CD81: variants seen among roughly 807,000 people sequenced by gnomAD.
CD81 encodes CD81 antigen.
A neutral mutation model predicts 30.1 loss-of-function variants in CD81; 10 were observed. The ratio of observed to expected loss-of-function variants is 0.33; its 90% confidence interval spans 0.21 to 0.56. The LOEUF is 0.56. CD81 is among the 20% of genes least tolerant of loss of function. The pLI is 0.89. For synonymous variants in CD81, 147 were observed against 126.4 expected, an observed-to-expected ratio of 1.16 and a Z score of -1.10; for missense variants, 263 against 308.7, an observed-to-expected ratio of 0.85 and a Z score of 1.11.
upstream of CD81, among the ~76,000 whole-genome samples, chr11:2,376,564 C>T (rs1849595038): frequency 6.6e-6 from 1 of 152,210 alleles, no homozygotes; most frequent in Non-Finnish European, 1.5e-5. Context: ...CGGTGTGAGG[C>T]TGGCATCCCT....
rs1016463564 is a variant in CD81, at chr11:2,386,652, C to T, written c.67-3760C>T. ...GACCAAGGCTCAGGTGAGGCCTCTG[C>T]CCAGTGCCTGGCACTCCTTCTTGCC... is the stretch of plus-strand genomic sequence containing the variant. On this transcript the variant is annotated intron_variant, in intron 1 of 7. Coordinates refer to ENST00000263645, the MANE Select transcript of CD81 (RefSeq NM_004356.4). The T allele has an allele frequency of 1.3e-5, 9 of 716,234 alleles. No homozygotes were observed. The Admixed American group carries it at 1.8e-4, about 14-fold the overall frequency. 44.4% of individuals were successfully genotyped at this position (716,234 alleles called of 1,614,324 possible). A position where few individuals can be genotyped will look rare whatever the true frequency, so the allele number is the denominator to read the frequency against.
chr11:2,396,374 A>G (rs1850003594), intron 6 of CD81: 3 of 598,246 alleles, frequency 5.0e-6, no homozygotes, highest in Non-Finnish European at 9.0e-6. Flanking sequence ...AGTGACACCA[A>G]TGACCGTGAT....
chr11:2,395,962 C>A lies in CD81; in HGVS notation c.553C>A (p.Leu185Ile). Residue 185 changes from leucine (L) to isoleucine (I), a missense_variant, in exon 6 of 8, where the codon CTC becomes ATC. Leu to Ile is a conservative substitution (Grantham distance 5). Transcript: ENST00000263645. ...CPSGSNIISN[L>I]FKEDCHQKID... ...CTCGGGCAGCAACATCATCAGCAAC[C>A]TCTTCAAGGTGCGCGAGGCCGGTGG... The A allele has an allele frequency of 6.2e-7, 1 of 1,609,026 alleles. No homozygotes were observed. Among genetic ancestry groups the A allele is most frequent in the Non-Finnish European group, 8.5e-7 (1 of 1,176,792 alleles).
In CD81 at chr11:2,395,898, T is replaced by C. The variant is rs1482066735; in HGVS notation, c.489T>C (p.Thr163=). The C allele has an allele frequency of 1.2e-6, 2 of 1,612,362 alleles. No homozygotes were observed. Among genetic ancestry groups the C allele is most frequent in the Non-Finnish European group, 1.7e-6 (2 of 1,179,654 alleles). The change falls in exon 6 of 8, where the codon ACT becomes ACC. Residue 163 remains threonine (T), a synonymous_variant. Transcript: ENST00000263645. ...ACTGCTGTGGCTCCAGCACACTGACTGCTTTGACCACCTCAGTGCTCAAGA... is the reference window on the plus strand; with the variant it reads ...ACTGCTGTGGCTCCAGCACACTGACCGCTTTGACCACCTCAGTGCTCAAGA... ...TLDCCGSSTL[T]ALTTSVLKNN...
At chr11:2,396,408 G>A in intron 6 of CD81, 1 of 619,970 alleles carries the variant, frequency 1.6e-6, no homozygotes, top group Non-Finnish European at 2.9e-6. Context: ...GGCACAGTGT[G>A]TCCCAGGCAT....
rs139275210 is a variant in CD81 at position 2,381,020 on chromosome 11, C to T, written c.66+3405C>T. 5.9e-5 allele frequency among the ~76,000 whole-genome samples: 9 copies of T among 152,346 alleles called. No individual in the cohort carries two copies. The East Asian group carries it at 1.4e-3, about 23-fold the overall frequency. On this transcript the variant is annotated intron_variant, in intron 1 of 7. Transcript: ENST00000263645. ...GACTGTCATTTGGCACGTCTTTCGC[C>T]GTCCTTCCGGGAGAGGGGCTGCAAC... is the stretch of plus-strand genomic sequence containing the variant.
chr11:2,396,285 T>C (rs1589854573), intron 6 of CD81: 1 of 565,806 alleles, frequency 1.8e-6, no homozygotes, highest in Non-Finnish European at 3.2e-6. Flanking sequence ...TGGCAGGGCC[T>C]GCAGGCCATA....
At chr11:2,383,767 T>C (rs1849740084) in intron 1 of CD81, among the ~76,000 whole-genome samples, 1 of 152,200 alleles carries the variant, frequency 6.6e-6, no homozygotes, top group Non-Finnish European at 1.5e-5. Context: ...GGTGAGCTGA[T>C]GTACCATCGT....
intron 1 of CD81, among the ~76,000 whole-genome samples, chr11:2,379,901 C>A (rs764848900): frequency 3.3e-5 from 5 of 152,146 alleles, no homozygotes; most frequent in Non-Finnish European, 7.4e-5. Context: ...GGTGGACCCC[C>A]CTCCACCCTG....
intron 1 of CD81, chr11:2,386,164 A>G (rs938663094): frequency 4.2e-5 from 30 of 717,236 alleles, no homozygotes; most frequent in Non-Finnish European, 7.0e-5. Context: ...AAGGTGGAGC[A>G]TCTCTTCATG....
chr11:2,393,828 C>T (rs987085856), intron 2 of CD81: 28 of 641,006 alleles, frequency 4.4e-5, no homozygotes, highest in East Asian at 8.2e-5. Flanking sequence ...AAGCACCTGT[C>T]GCCAGCACTC....
At chr11:2,384,669 G>C (rs1194335203) in intron 1 of CD81, 1 of 201,562 alleles carries the variant, frequency 5.0e-6, no homozygotes, top group South Asian at 5.0e-5. Flanking sequence ...AGGTGGCAGA[G>C]AGGCTTCCCA....
intron 3 of CD81, 52 bp downstream of exon 3, chr11:2,394,244 C>G: frequency 7.7e-7 from 1 of 1,291,328 alleles, no homozygotes. Context: ...CTGGGGGCTG[C>G]GTCTGGCCCT....
intron 1 of CD81, among the ~76,000 whole-genome samples, chr11:2,389,745 AT>A: frequency 6.6e-6 from 1 of 152,128 alleles, no homozygotes; most frequent in Admixed American, 6.5e-5. Flanking sequence ...CAGGGCTGAC[AT>A]CCCACAGCAG....
At chr11:2,379,946 A>G (rs1849677146) in intron 1 of CD81, among the ~76,000 whole-genome samples, 1 of 152,144 alleles carries the variant, frequency 6.6e-6, no homozygotes, top group Non-Finnish European at 1.5e-5. Context: ...GCACAGTGCC[A>G]TGGGCTTGGG....
At chr11:2,385,826 GT>G in intron 1 of CD81, 1 of 635,798 alleles carries the variant, frequency 1.6e-6, no homozygotes, top group Non-Finnish European at 2.9e-6. Context: ...CATATGGGTT[GT>G]TTCAGTTTGG....
chr11:2,377,423 CTT>C lies in CD81; in HGVS notation c.-125_-124del. On this transcript the variant is annotated 5_prime_UTR_variant, in exon 1 of 8. Coordinates refer to ENST00000263645, the MANE Select transcript of CD81 (RefSeq NM_004356.4). This position sits in a 1 kb window ranked among gnomAD's most constrained non-coding sequence, Gnocchi z 7.7. ...CCCGCGCCCCCGCGCCCCCGCGCCC[CTT>C]TCTTCGCGCCCCCGCCCCTCGGCCC... 1 of 192,090 alleles carries C rather than the reference CTT, an allele frequency of 5.2e-6. No individual in the cohort carries two copies. The highest frequency in any genetic ancestry group is 9.3e-6 in the Non-Finnish European group (1 of 107,240). 11.9% of individuals were successfully genotyped at this position (192,090 alleles called of 1,614,324 possible). A position where few individuals can be genotyped will look rare whatever the true frequency, so the allele number is the denominator to read the frequency against.
chr11:2,380,527 G>T (rs1190323715), intron 1 of CD81, among the ~76,000 whole-genome samples: 3 of 152,156 alleles, frequency 2.0e-5, no homozygotes, highest in Non-Finnish European at 4.4e-5. Context: ...ATGCACCTGC[G>T]CCCTGACCGC....
rs1205133459 is a variant in CD81, at chr11:2,379,470, C to A, written c.66+1855C>A. Among the ~76,000 whole-genome samples the A allele has an allele frequency of 3.8e-5, 5 of 130,306 alleles. No homozygotes were observed. In the Admixed American group the frequency reaches 3.8e-4, roughly 10 times the overall value. The allele number at this position is 130,306 out of a possible 152,430, so 85.5% of individuals were successfully genotyped here. Reference sequence around the variant, plus strand: ...GTGGGGGTTGAGGGAGGGTGTGGACCTGGGGGCAGGGGCTGAGGGAGAGTG... The same window carrying A: ...GTGGGGGTTGAGGGAGGGTGTGGACATGGGGGCAGGGGCTGAGGGAGAGTG... On this transcript the variant is annotated intron_variant, in intron 1 of 7. Coordinates refer to ENST00000263645, the MANE Select transcript of CD81 (RefSeq NM_004356.4).
Sources: gnomAD v4.1 joint callset for allele counts (sites outside exome capture counted in the v4.1 genomes callset) on GRCh38, gnomAD v4.1.1 for gene constraint, Gnocchi (gnomAD v3.1) non-coding constraint, MANE v1.5 for transcripts, NCBI Gene and HGNC (gene_info 2026-07-23, HGNC 2026-07-21) for gene names.